KHDRBS2: variants seen among roughly 807,000 people sequenced by gnomAD.
The protein encoded by KHDRBS2 is KH domain-containing, RNA-binding, signal transduction-associated protein 2.
In KHDRBS2, 26 loss-of-function variants were observed where a neutral mutation model predicts 44.3. The observed-to-expected ratio is 0.59, with a 90% CI of 0.43 to 0.81. The LOEUF (loss-of-function observed/expected upper bound fraction) is 0.81. Ranked by LOEUF, KHDRBS2 falls within the 40% of genes least tolerant of loss-of-function variation. The pLI is 0.00. For synonymous variants in KHDRBS2, 194 were observed against 151.1 expected (o/e 1.28, Z -2.08); for missense variants, 476 against 433.1 (o/e 1.10, Z -0.88).
chr6:61,777,704 C>A (rs1782304541), intron 6 of KHDRBS2, among the ~76,000 whole-genome samples: 1 of 152,046 alleles, frequency 6.6e-6, no homozygotes, highest in Admixed American at 6.6e-5. Flanking sequence ...GAAATACCTT[C>A]CTTAGTTTGG....
At chr6:62,275,496 T>C (rs1405009473) in intron 1 of KHDRBS2, among the ~76,000 whole-genome samples, 3 of 152,210 alleles carry the variant, frequency 2.0e-5, no homozygotes, top group Admixed American at 6.5e-5. Flanking sequence ...ATGGTAAATG[T>C]ATTCTATTAT....
At position 61,860,237 on chromosome 6, in the gene KHDRBS2, CAAG is replaced by C. The variant is rs567647274; in HGVS notation, c.810+34395_810+34397del. On this transcript the variant is annotated intron_variant, in intron 6 of 8. Coordinates refer to ENST00000281156, the MANE Select transcript of KHDRBS2 (RefSeq NM_152688.4). ...CAACCAGAGACACAAAAATTCCCCA[CAAG>C]AAGAGATAGACTCATGGTTAATGTC... Among the ~76,000 whole-genome samples, 631 of 151,980 alleles carry C rather than the reference CAAG, an allele frequency of 4.2e-3. 8 individuals are homozygous for C. Among genetic ancestry groups the C allele is most frequent in the African/African-American group, 0.015 (608 of 41,498 alleles).
chr6:62,048,121 TACACACACACACACAC>T (rs58133580), intron 2 of KHDRBS2, 127 bp from the exon 3 acceptor site: 17 of 405,622 alleles, frequency 4.2e-5, no homozygotes, highest in African/African-American at 2.9e-4. Flanking sequence ...GCCATAAACA[TACACACACACACACAC>T]ACACACACAC....
intron 4 of KHDRBS2, among the ~76,000 whole-genome samples, chr6:61,935,955 A>G (rs758401290): frequency 1.1e-4 from 16 of 152,090 alleles, no homozygotes; most frequent in Non-Finnish European, 2.4e-4. Context: ...ATACCATTTT[A>G]TGTCCTCCTT....
At chr6:61,765,612 T>C (rs1161706284) in intron 6 of KHDRBS2, among the ~76,000 whole-genome samples, 1 of 152,192 alleles carries the variant, frequency 6.6e-6, no homozygotes, top group Non-Finnish European at 1.5e-5. Flanking sequence ...AGAATGATAC[T>C]AGCTGTGGGT....
chr6:62,134,907 T>C (rs1051032929), intron 2 of KHDRBS2, among the ~76,000 whole-genome samples: 5 of 152,146 alleles, frequency 3.3e-5, no homozygotes, highest in Non-Finnish European at 2.9e-5. Flanking sequence ...AGTAACTAAC[T>C]TGCTTTTGAA....
chr6:61,574,444 A>G, the KHDRBS2 span: 3 of 1,443,900 alleles, frequency 2.1e-6, no homozygotes, highest in South Asian at 1.3e-5. Context: ...CAATTTACCA[A>G]TGCAAACAAC....
chr6:61,859,153 GAT>G (rs927311769), intron 6 of KHDRBS2, among the ~76,000 whole-genome samples: 1 of 151,814 alleles, frequency 6.6e-6, no homozygotes, highest in African/African-American at 2.4e-5. Context: ...TAGGTGGGCA[GAT>G]ATAAAGGAAT....
intron 6 of KHDRBS2, among the ~76,000 whole-genome samples, chr6:61,782,928 C>A (rs1783235281): frequency 6.6e-6 from 1 of 151,528 alleles, no homozygotes; most frequent in Non-Finnish European, 1.5e-5. Flanking sequence ...CAGAGTGGGA[C>A]ACAAGAATAT....
intron 6 of KHDRBS2, among the ~76,000 whole-genome samples, chr6:61,798,445 G>A (rs1232260643): frequency 1.3e-5 from 2 of 152,094 alleles, no homozygotes; most frequent in African/African-American, 2.4e-5. Context: ...TACACCATTA[G>A]AGAAGAGTAA....
At chr6:62,059,112 A>G (rs1472494754) in intron 2 of KHDRBS2, among the ~76,000 whole-genome samples, 1 of 151,060 alleles carries the variant, frequency 6.6e-6, no homozygotes, top group Non-Finnish European at 1.5e-5. Flanking sequence ...TAAACAAAAA[A>G]CTAATAGTGC....
At chr6:61,746,822 A>T (rs2127566606) in intron 6 of KHDRBS2, among the ~76,000 whole-genome samples, 1 of 152,260 alleles carries the variant, frequency 6.6e-6, no homozygotes, top group East Asian at 1.9e-4. Flanking sequence ...GCATGGGTAA[A>T]GACTTCATGA....
intron 2 of KHDRBS2, among the ~76,000 whole-genome samples, chr6:62,084,979 C>T (rs974604091): frequency 6.6e-6 from 1 of 152,078 alleles, no homozygotes; most frequent in African/African-American, 2.4e-5. Context: ...TAACAAAACA[C>T]TTAAATGTGT....
intron 6 of KHDRBS2, among the ~76,000 whole-genome samples, chr6:61,836,150 A>G (rs1412306999): frequency 6.6e-6 from 1 of 151,958 alleles, no homozygotes; most frequent in African/African-American, 2.4e-5. Flanking sequence ...ACTATCTACC[A>G]CATGGAATCA....
chr6:61,957,738 C>T (rs926935916), intron 4 of KHDRBS2, among the ~76,000 whole-genome samples: 1 of 152,076 alleles, frequency 6.6e-6, no homozygotes, highest in Non-Finnish European at 1.5e-5. Flanking sequence ...GTGATCTCAC[C>T]CTGCCTCCAT....
At chr6:62,000,930 T>A (rs1778117427) in intron 3 of KHDRBS2, among the ~76,000 whole-genome samples, 1 of 152,156 alleles carries the variant, frequency 6.6e-6, no homozygotes, top group Non-Finnish European at 1.5e-5. Context: ...TCAGCAGAAA[T>A]ATGTTTAGTT....
At chr6:61,920,183 T>G (rs1043718309) in intron 4 of KHDRBS2, among the ~76,000 whole-genome samples, 1 of 151,930 alleles carries the variant, frequency 6.6e-6, no homozygotes, top group Non-Finnish European at 1.5e-5. Context: ...GGAGAGGTTG[T>G]TTCATGCAGC....
At chr6:61,624,877 T>C in the KHDRBS2 span, among the ~76,000 whole-genome samples, 2 of 152,146 alleles carry the variant, frequency 1.3e-5, no homozygotes, top group Non-Finnish European at 2.9e-5. Flanking sequence ...TTGGAGGTCC[T>C]AGTCTGCAAA....
At chr6:61,945,608 T>C (rs570818230) in intron 4 of KHDRBS2, among the ~76,000 whole-genome samples, 4 of 152,192 alleles carry the variant, frequency 2.6e-5, no homozygotes, top group East Asian at 1.9e-4. Flanking sequence ...CTCCATTCCC[T>C]GAAAATCAGA....
Sources: allele counts gnomAD v4.1 joint callset (sites outside exome capture counted in the v4.1 genomes callset), GRCh38; gene constraint gnomAD v4.1.1; transcripts MANE v1.5; gene names NCBI Gene and HGNC (gene_info 2026-07-23, HGNC 2026-07-21).